Variants in SPNS2 observed in about 807,000 individuals in gnomAD.
SPNS2 encodes the protein SPNS lysolipid transporter 2, sphingosine-1-phosphate.
A neutral mutation model predicts 57.6 loss-of-function variants in SPNS2; 37 were observed. The observed-to-expected ratio is 0.64, with a 90% CI of 0.49 to 0.85. SPNS2 has a LOEUF of 0.85. SPNS2 is among the 40% of genes least tolerant of loss of function. The pLI is 0.00. For missense variants in SPNS2, 831 were observed against 779.1 expected (o/e 1.07, Z -0.79); for synonymous variants, 440 against 346.9 (o/e 1.27, Z -2.98).
At chr17:4,526,502 C>T (rs1254268404) in intron 3 of SPNS2, among the ~76,000 whole-genome samples, 4 of 151,900 alleles carry the variant, frequency 2.6e-5, no homozygotes, top group African/African-American at 9.7e-5. Context: ...ACTTGGGAGG[C>T]TGAGGCAGGA....
intron 1 of SPNS2, among the ~76,000 whole-genome samples, chr17:4,509,654 T>C (rs1904777557): frequency 6.6e-6 from 1 of 152,224 alleles, no homozygotes; most frequent in Non-Finnish European, 1.5e-5. Flanking sequence ...CGAGAGAGAC[T>C]GTTGGCCCAG....
At chr17:4,514,748 G>T (rs1257838177) in intron 2 of SPNS2, among the ~76,000 whole-genome samples, 1 of 152,254 alleles carries the variant, frequency 6.6e-6, no homozygotes, top group East Asian at 1.9e-4. Flanking sequence ...CCTGAGACAG[G>T]TTCCTCTAGC....
chr17:4,525,560 C>T (rs1452893092), intron 3 of SPNS2, among the ~76,000 whole-genome samples: 7 of 152,204 alleles, frequency 4.6e-5, no homozygotes, highest in Admixed American at 1.3e-4. Context: ...GAGTCACTAC[C>T]CCTCTCTGGT....
At chr17:4,533,924 GA>G in intron 9 of SPNS2, 71 bp downstream of exon 9, 1 of 1,226,590 alleles carries the variant, frequency 8.2e-7, no homozygotes, top group Non-Finnish European at 1.2e-6. Flanking sequence ...GGTGCCTGGG[GA>G]GGGCGGGTGA....
intron 2 of SPNS2, among the ~76,000 whole-genome samples, chr17:4,514,333 C>T (rs1453575573): frequency 1.3e-5 from 2 of 152,182 alleles, no homozygotes; most frequent in African/African-American, 2.4e-5. Context: ...CCAGTCCAGT[C>T]GGTGAACCCC....
chr17:4,533,661 G>T, intron 8 of SPNS2, 127 bp from the exon 9 acceptor site: 1 of 1,143,400 alleles, frequency 8.7e-7, no homozygotes, highest in Non-Finnish European at 1.3e-6. Flanking sequence ...CCCATGAATG[G>T]ATGTGGGCCC....
chr17:4,500,064 G>A (rs1904430082), intron 1 of SPNS2, among the ~76,000 whole-genome samples: 1 of 152,172 alleles, frequency 6.6e-6, no homozygotes, highest in South Asian at 2.1e-4. Context: ...AGCTGGCCCT[G>A]TACAGAGGCC....
rs1330495252 is a variant in SPNS2, at chr17:4,510,473, T to C, written c.371-2774T>C. On this transcript the variant is annotated intron_variant, in intron 1 of 12. Coordinates refer to ENST00000329078, the MANE Select transcript of SPNS2 (RefSeq NM_001124758.3). This position sits in a 1 kb window ranked among gnomAD's most constrained non-coding sequence, Gnocchi z 4.4. ...GGAGGCAGAGGCAAATCCTGGACCT[T>C]GAAGTCATCGGATGGGGAAGTGTGC... 6.6e-6 allele frequency among the ~76,000 whole-genome samples: 1 copy of C among 152,122 alleles called. No homozygotes were observed. Among genetic ancestry groups the C allele is most frequent in the Non-Finnish European group, 1.5e-5 (1 of 68,010 alleles).
At position 4,523,311 on chromosome 17, in the gene SPNS2, G is replaced by A. The variant is rs536578698; in HGVS notation, c.437-1746G>A. Among the ~76,000 whole-genome samples, 77 of 152,158 alleles carry A rather than the reference G, an allele frequency of 5.1e-4. 2 individuals are homozygous for A. In the South Asian group the frequency reaches 1.0e-2, roughly 20 times the overall value. ...AAATTAGCTGGGCGTGGTGGCAGGC[G>A]CCTGTAATCCCAGCTACTCAAGAGG... is the stretch of plus-strand genomic sequence containing the variant. On this transcript the variant is annotated intron_variant, in intron 2 of 12. Transcript: ENST00000329078.
chr17:4,509,103 G>C (rs1268562243), intron 1 of SPNS2, among the ~76,000 whole-genome samples: 1 of 152,202 alleles, frequency 6.6e-6, no homozygotes, highest in African/African-American at 2.4e-5. Context: ...TGACTCCCAG[G>C]GTCCTGCAGT....
chr17:4,533,495 A>T (rs1169762461), intron 8 of SPNS2, 63 bp downstream of exon 8: 1 of 1,491,198 alleles, frequency 6.7e-7, no homozygotes, highest in Non-Finnish European at 9.0e-7. Flanking sequence ...AGGGTCTGGA[A>T]CAGGACATTC....
chr17:4,509,036 A>T (rs1475794496), intron 1 of SPNS2, among the ~76,000 whole-genome samples: 1 of 152,180 alleles, frequency 6.6e-6, no homozygotes. Context: ...GATAAAGCAG[A>T]TGGAGAATCA....
intron 2 of SPNS2, among the ~76,000 whole-genome samples, chr17:4,524,515 T>C (rs996195547): frequency 1.3e-5 from 2 of 152,062 alleles, no homozygotes; most frequent in African/African-American, 4.8e-5. Flanking sequence ...CAAAACCCCA[T>C]CTCTACTAAA....
In SPNS2 at chr17:4,538,591, CCTGCACTTCTG is replaced by C. The variant is rs1597373922; in HGVS notation, c.*1149_*1159del. On this transcript the variant is annotated 3_prime_UTR_variant, in exon 13 of 13. Coordinates refer to ENST00000329078, the MANE Select transcript of SPNS2 (RefSeq NM_001124758.3). ...GCTTAGCCCCCTGCGTCACCCACTCCCTGCACTTCTGCTGCAATCAAGGTGGTTCTGGTGCG... is the reference window on the plus strand; with the variant it reads ...GCTTAGCCCCCTGCGTCACCCACTCCCTGCAATCAAGGTGGTTCTGGTGCG... The C allele has an allele frequency of 1.9e-4, 81 of 418,770 alleles. No homozygotes were observed. The East Asian group carries it at 4.3e-3, about 22-fold the overall frequency. The allele number at this position is 418,770 out of a possible 1,614,324, so 25.9% of individuals were successfully genotyped here.
intron 3 of SPNS2, among the ~76,000 whole-genome samples, chr17:4,527,712 C>T (rs528317266): frequency 1.3e-5 from 2 of 152,248 alleles, no homozygotes; most frequent in Non-Finnish European, 2.9e-5. Flanking sequence ...TCACACCCGT[C>T]AGATTGGCAA....
intron 1 of SPNS2, 136 bp from the exon 2 acceptor site, chr17:4,513,111 G>T (rs1904888294): frequency 1.1e-6 from 1 of 916,962 alleles, no homozygotes; most frequent in Non-Finnish European, 1.7e-6. Flanking sequence ...CCTGGGCAGG[G>T]TAGAGGTCGC....
chr17:4,535,944 A>C, intron 9 of SPNS2, 132 bp from the exon 10 acceptor site: 9 of 690,880 alleles, frequency 1.3e-5, no homozygotes, highest in South Asian at 1.8e-5. Flanking sequence ...GGCCCAGGGG[A>C]GAGAGGTGTC....
chr17:4,513,453 A>G, intron 2 of SPNS2, 141 bp downstream of exon 2: 2 of 813,354 alleles, frequency 2.5e-6, no homozygotes, highest in South Asian at 3.3e-5. Flanking sequence ...TCCCAGTCTC[A>G]CTATTGCCAC....
chr17:4,526,603 CAAA>C (rs370457376), intron 3 of SPNS2, among the ~76,000 whole-genome samples: 6 of 128,528 alleles, frequency 4.7e-5, no homozygotes, highest in Admixed American at 7.9e-5. Flanking sequence ...AACTCCATCT[CAAA>C]AAAAAAAAAA....
Sources: gnomAD v4.1 joint callset for allele counts (sites outside exome capture counted in the v4.1 genomes callset) on GRCh38, gnomAD v4.1.1 for gene constraint, Gnocchi (gnomAD v3.1) non-coding constraint, MANE v1.5 for transcripts, NCBI Gene and HGNC (gene_info 2026-07-23, HGNC 2026-07-21) for gene names.